The following DOCK1 variants were observed in gnomAD, a reference collection of about 807,000 sequenced individuals.
DOCK1 encodes the protein dedicator of cytokinesis 1, also known as dedicator of cytokinesis protein 1.
A neutral mutation model predicts 262.7 loss-of-function variants in DOCK1; 138 were observed. That is an observed-to-expected ratio of 0.53 (90% CI 0.46 to 0.61). The LOEUF is 0.61. Ranked by LOEUF, DOCK1 falls within the 20% of genes least tolerant of loss-of-function variation. The pLI, the probability that DOCK1 is intolerant of heterozygous loss-of-function variation, is 0.00. For synonymous variants in DOCK1, 866 were observed against 867.4 expected, an observed-to-expected ratio of 1.00 and a Z score of 0.03; for missense variants, 1,908 against 2,370.7, an observed-to-expected ratio of 0.80 and a Z score of 4.05.
intron 38 of DOCK1, among the ~76,000 whole-genome samples, chr10:127,385,318 A>G (rs1270597743): frequency 6.6e-6 from 1 of 152,224 alleles, no homozygotes; most frequent in East Asian, 1.9e-4. Flanking sequence ...GGCTTAAACA[A>G]AATTATAGAT....
chr10:127,204,776 G>C (rs889560522), intron 27 of DOCK1, among the ~76,000 whole-genome samples: 70 of 152,142 alleles, frequency 4.6e-4, no homozygotes, highest in African/African-American at 1.5e-3. Context: ...AGATCACCTA[G>C]GGTTGAGTAG....
intron 24 of DOCK1, among the ~76,000 whole-genome samples, chr10:127,107,504 G>A (rs1052856155): frequency 6.6e-6 from 1 of 152,128 alleles, no homozygotes; most frequent in Non-Finnish European, 1.5e-5. Context: ...AGCTTAGCAG[G>A]TCCTACATGA....
intron 27 of DOCK1, among the ~76,000 whole-genome samples, chr10:127,212,822 A>C (rs1191276825): frequency 6.6e-6 from 1 of 152,064 alleles, no homozygotes; most frequent in Non-Finnish European, 1.5e-5. Context: ...AAAAAAAAAA[A>C]AAAAGGATGG....
intron 27 of DOCK1, among the ~76,000 whole-genome samples, chr10:127,190,875 A>G (rs1477013177): frequency 6.6e-6 from 1 of 151,698 alleles, no homozygotes; most frequent in Non-Finnish European, 1.5e-5. Flanking sequence ...CATCTGTGAC[A>G]CCTTCTCAAC....
At chr10:127,033,753 A>G (rs931821524) in intron 18 of DOCK1, among the ~76,000 whole-genome samples, 1 of 152,200 alleles carries the variant, frequency 6.6e-6, no homozygotes, top group African/African-American at 2.4e-5. Context: ...AAGTCAGGAC[A>G]TTGTAGTGGA....
chr10:127,287,293 CTT>C (rs1231256118), intron 29 of DOCK1, among the ~76,000 whole-genome samples: 30 of 151,762 alleles, frequency 2.0e-4, no homozygotes, highest in Admixed American at 1.8e-3. Context: ...GCCTCGAACT[CTT>C]GGGCTCAAGC....
At chr10:127,244,760 A>C (rs750831315) in intron 27 of DOCK1, among the ~76,000 whole-genome samples, 1 of 152,022 alleles carries the variant, frequency 6.6e-6, no homozygotes, top group Non-Finnish European at 1.5e-5. Flanking sequence ...ATTTTTACTT[A>C]TTGACTTATT....
chr10:126,999,700 G>A (rs1267603212), intron 9 of DOCK1, among the ~76,000 whole-genome samples: 4 of 152,096 alleles, frequency 2.6e-5, no homozygotes, highest in South Asian at 4.2e-4. Context: ...TCCTTGAGAC[G>A]GAGTCTTGCT....
At chr10:127,202,764 A>G (rs1016766656) in intron 27 of DOCK1, among the ~76,000 whole-genome samples, 10 of 152,236 alleles carry the variant, frequency 6.6e-5, no homozygotes, top group African/African-American at 1.7e-4. Context: ...TGGGCACTCA[A>G]TACTGTTAAA....
chr10:126,917,637 G>A (rs1288232726), intron 1 of DOCK1, among the ~76,000 whole-genome samples: 2 of 152,136 alleles, frequency 1.3e-5, no homozygotes, highest in East Asian at 1.9e-4. Context: ...ATTGGCCTCC[G>A]GACCCCTTCT....
chr10:127,296,330 G>C (rs914486360), intron 29 of DOCK1, among the ~76,000 whole-genome samples: 1 of 152,200 alleles, frequency 6.6e-6, no homozygotes, highest in Non-Finnish European at 1.5e-5. Flanking sequence ...CCATCCTCAC[G>C]TAGTGGAGCT....
intron 13 of DOCK1, among the ~76,000 whole-genome samples, chr10:127,021,130 T>G (rs954462227): frequency 6.6e-6 from 1 of 152,192 alleles, no homozygotes; most frequent in African/African-American, 2.4e-5. Context: ...AAATGAGGTC[T>G]TACTTCTGTG....
intron 27 of DOCK1, among the ~76,000 whole-genome samples, chr10:127,226,891 T>TC (rs1411273626): frequency 2.0e-5 from 3 of 152,074 alleles, no homozygotes; most frequent in Admixed American, 6.5e-5. Flanking sequence ...GCTATTGCGT[T>TC]CCCCACAGCA....
intron 1 of DOCK1, among the ~76,000 whole-genome samples, chr10:126,948,209 GTGGTGATGGTGGTGGT>G (rs2035736016): frequency 1.3e-5 from 1 of 77,870 alleles, no homozygotes; most frequent in Non-Finnish European, 2.9e-5. Context: ...ATTACTGTTG[GTGGTGATGGTGGTGGT>G]TGGTAGTATT....
intron 27 of DOCK1, among the ~76,000 whole-genome samples, chr10:127,164,672 A>C (rs2053923070): frequency 6.6e-6 from 1 of 152,254 alleles, no homozygotes; most frequent in Admixed American, 6.5e-5. Context: ...TTATTAAGGC[A>C]GGACTTTTTA....
At chr10:126,985,051 G>A (rs977506763) in intron 4 of DOCK1, among the ~76,000 whole-genome samples, 12 of 136,830 alleles carry the variant, frequency 8.8e-5, no homozygotes, top group South Asian at 6.8e-4. Context: ...CATGATCTCC[G>A]CTCACTGCAA....
At position 127,374,099 on chromosome 10, in the gene DOCK1, C is replaced by T. The variant is rs761606041; in HGVS notation, c.3560C>T (p.Thr1187Ile). The T allele has an allele frequency of 7.4e-6, 12 of 1,613,398 alleles. No homozygotes were observed. The South Asian group carries it at 8.8e-5, about 12-fold the overall frequency. The part of the protein sequence containing the change: ...HCRKHKYLAK[T>I]GETFVKLVVR... ...AGGAAGCACAAATACCTCGCCAAAA[C>T]AGGAGAAACTTTTGTAAAACTCGTT... Residue 1187 changes from threonine (T) to isoleucine (I), a missense_variant, in exon 35 of 52, where the codon ACA (threonine) becomes ATA (isoleucine). Transcript: ENST00000623213.
chr10:127,041,857 T>TGGCGTTCTGC (rs2044035917), intron 19 of DOCK1, among the ~76,000 whole-genome samples: 1 of 152,238 alleles, frequency 6.6e-6, no homozygotes, highest in South Asian at 2.1e-4. Context: ...TTTCGTTGTG[T>TGGCGTTCTGC]GGCGTTCTGC....
intron 26 of DOCK1, among the ~76,000 whole-genome samples, chr10:127,127,291 G>A (rs988527692): frequency 2.0e-5 from 3 of 152,126 alleles, no homozygotes; most frequent in South Asian, 2.1e-4. Flanking sequence ...TGCATTTGAC[G>A]TGCAGAACCA....
Sources: gnomAD v4.1 joint callset for allele counts (sites outside exome capture counted in the v4.1 genomes callset) on GRCh38, gnomAD v4.1.1 for gene constraint, MANE v1.5 for transcripts, NCBI Gene and HGNC (gene_info 2026-07-23, HGNC 2026-07-21) for gene names.